The following MMP24 variants were observed in gnomAD, a reference collection of about 807,000 sequenced individuals.
MMP24 encodes the protein matrix metalloproteinase-24.
In MMP24, 25 loss-of-function variants were observed where a neutral mutation model predicts 62.8. The observed-to-expected ratio is 0.40, with a 90% CI of 0.29 to 0.56. The LOEUF (loss-of-function observed/expected upper bound fraction) is 0.56, where lower values mean the gene tolerates loss of function less well. Ranked by LOEUF, MMP24 falls within the 20% of genes least tolerant of loss-of-function variation. MMP24 has a pLI of 0.50. For missense variants in MMP24, 634 were observed against 853.6 expected (o/e 0.74, Z 3.21); for synonymous variants, 319 against 350.5 (o/e 0.91, Z 1.00).
chr20:35,248,087 G>T (rs765443834), intron 2 of MMP24, among the ~76,000 whole-genome samples: 1 of 152,120 alleles, frequency 6.6e-6, no homozygotes, highest in Non-Finnish European at 1.5e-5. Context: ...TAAGGAGGTG[G>T]GAAGGGAGGG....
intron 3 of MMP24, 50 bp downstream of exon 3, chr20:35,252,071 T>C (rs778374897): frequency 2.1e-6 from 3 of 1,433,586 alleles, no homozygotes; most frequent in African/African-American, 1.4e-5. Context: ...ACCCTCACTC[T>C]GTTTTTCCTG....
chr20:35,272,354 T>A (rs972538119), intron 8 of MMP24, among the ~76,000 whole-genome samples: 1 of 152,220 alleles, frequency 6.6e-6, no homozygotes, highest in East Asian at 1.9e-4. Context: ...TCCTGCCTCA[T>A]CAGCCTCCCG....
At chr20:35,272,085 A>C in intron 8 of MMP24, 2 of 571,392 alleles carry the variant, frequency 3.5e-6, no homozygotes, top group Admixed American at 6.9e-5. Flanking sequence ...TCATTCCTTC[A>C]GACAGCATTT....
chr20:35,248,351 G>C (rs966742060), intron 2 of MMP24, among the ~76,000 whole-genome samples: 1 of 148,808 alleles, frequency 6.7e-6, no homozygotes, highest in African/African-American at 2.5e-5. Context: ...TGTCACCCAG[G>C]CTGGAGGGCA....
intron 8 of MMP24, among the ~76,000 whole-genome samples, chr20:35,273,933 G>A (rs1436008322): frequency 6.6e-6 from 1 of 152,164 alleles, no homozygotes; most frequent in East Asian, 1.9e-4. Flanking sequence ...CACATGAGCG[G>A]GGCAAGGGGG....
chr20:35,268,270 G>A (rs1163092015), intron 6 of MMP24, among the ~76,000 whole-genome samples: 3 of 152,224 alleles, frequency 2.0e-5, no homozygotes, highest in Admixed American at 6.5e-5. Context: ...CATCCCCAAA[G>A]GGGCTGACAG....
chr20:35,253,235 C>T (rs1357758365), intron 3 of MMP24, among the ~76,000 whole-genome samples: 1 of 146,550 alleles, frequency 6.8e-6, no homozygotes, highest in East Asian at 2.0e-4. Context: ...GAACTAAGGG[C>T]TCCCCTGCTG....
At position 35,271,749 on chromosome 20, in the gene MMP24, C is replaced by T; in HGVS notation, c.1514C>T (p.Ala505Val). The T allele has an allele frequency of 6.3e-7, 1 of 1,597,780 alleles. No homozygotes were observed. Among genetic ancestry groups the T allele is most frequent in the Non-Finnish European group, 8.5e-7 (1 of 1,172,612 alleles). ...TGGCGCTACAGCGAGGAGCGGCGGGCCACGGACCCTGGCTACCCTAAGCCC... is the reference window on the plus strand; with the variant it reads ...TGGCGCTACAGCGAGGAGCGGCGGGTCACGGACCCTGGCTACCCTAAGCCC... The part of the protein sequence containing the change: ...RYWRYSEERR[A>V]TDPGYPKPIT... The change falls in exon 8 of 9, where the codon GCC (alanine) becomes GTC (valine). Residue 505 changes from alanine (A) to valine (V), a missense_variant. Transcript: ENST00000246186. The surrounding 1 kb of genome is among the most constrained non-coding windows in gnomAD (Gnocchi z 4.0).
chr20:35,274,655 C>G lies in MMP24; in HGVS notation c.*46C>G. On this transcript the variant is annotated 3_prime_UTR_variant, in exon 9 of 9. Coordinates refer to ENST00000246186, the MANE Select transcript of MMP24 (RefSeq NM_006690.4). This position sits in a 1 kb window ranked among gnomAD's most constrained non-coding sequence, Gnocchi z 5.1. ...TCCACTTGGTCTGGCCAGCCAGGCC[C>G]TTCCTCACCAGGGTCTGAGGGGCAG... is the stretch of plus-strand genomic sequence containing the variant. 2 of 1,477,010 alleles carry G rather than the reference C, an allele frequency of 1.4e-6. No homozygotes were observed. The highest frequency in any genetic ancestry group is 1.8e-6 in the Non-Finnish European group (2 of 1,091,970). 91.5% of individuals were successfully genotyped at this position (1,477,010 alleles called of 1,614,324 possible).
At chr20:35,261,428 G>GT (rs1456448213) in intron 4 of MMP24, among the ~76,000 whole-genome samples, 1 of 152,200 alleles carries the variant, frequency 6.6e-6, no homozygotes, top group Non-Finnish European at 1.5e-5. Context: ...GATGCCCCCA[G>GT]TTTACAAGTG....
intron 4 of MMP24, 137 bp from the exon 5 acceptor site, chr20:35,263,654 T>G: frequency 6.2e-6 from 4 of 644,972 alleles, no homozygotes; most frequent in Middle Eastern, 4.5e-4. Context: ...TTGTGCCTGA[T>G]TTCTCTGTAT....
At chr20:35,227,184 C>G (rs1204826035) in intron 1 of MMP24, among the ~76,000 whole-genome samples, 200 bp downstream of exon 1, 1 of 151,118 alleles carries the variant, frequency 6.6e-6, no homozygotes, top group Non-Finnish European at 1.5e-5. Flanking sequence ...CCGCCGAGGC[C>G]GGGAGCTGCT....
At chr20:35,258,202 T>C (rs1238762823) in intron 4 of MMP24, among the ~76,000 whole-genome samples, 1 of 152,210 alleles carries the variant, frequency 6.6e-6, no homozygotes, top group East Asian at 1.9e-4. Context: ...ATCTCAGGCA[T>C]TCTAACATTT....
intron 1 of MMP24, among the ~76,000 whole-genome samples, chr20:35,229,743 C>T (rs2060429848): frequency 6.6e-6 from 1 of 152,112 alleles, no homozygotes; most frequent in Non-Finnish European, 1.5e-5. Flanking sequence ...CATCCTTACT[C>T]GACAAGCTCA....
intron 4 of MMP24, among the ~76,000 whole-genome samples, chr20:35,260,118 A>G (rs1180747056): frequency 1.3e-5 from 2 of 152,140 alleles, no homozygotes; most frequent in Non-Finnish European, 2.9e-5. Context: ...CCTCCTGCCC[A>G]TGGAGCATGG....
intron 4 of MMP24, among the ~76,000 whole-genome samples, chr20:35,260,182 CAGGGAGTCCT>C (rs1434174406): frequency 6.6e-6 from 1 of 152,176 alleles, no homozygotes; most frequent in Non-Finnish European, 1.5e-5. Flanking sequence ...CTCACAAGCT[CAGGGAGTCCT>C]CCTGCCCCTG....
rs1180290790 is a variant in MMP24 at position 35,226,890 on chromosome 20, GGGCGGC to G, written c.167_172del (p.Ala56_Ala57del). ...CTCTGCTGCCTCCCGGGCGCCGCGC[GGGCGGC>G]GGCGGCGGCGGCGGGGGCAGGGAAC... On this transcript the variant is annotated inframe_deletion, in exon 1 of 9. Coordinates refer to ENST00000246186, the MANE Select transcript of MMP24 (RefSeq NM_006690.4). 3 of 977,118 alleles carry G rather than the reference GGGCGGC, an allele frequency of 3.1e-6. No homozygotes were observed. The highest frequency in any genetic ancestry group is 1.8e-5 in the African/African-American group (1 of 55,916). The allele number at this position is 977,118 out of a possible 1,614,324, so 60.5% of individuals were successfully genotyped here.
At chr20:35,270,846 C>G (rs2146242385) in intron 7 of MMP24, among the ~76,000 whole-genome samples, 1 of 152,308 alleles carries the variant, frequency 6.6e-6, no homozygotes, top group South Asian at 2.1e-4. Context: ...TTGAGACCAG[C>G]CTGACCAACA....
intron 5 of MMP24, among the ~76,000 whole-genome samples, chr20:35,266,804 G>C (rs1036106054): frequency 3.3e-5 from 5 of 152,104 alleles, no homozygotes; most frequent in Non-Finnish European, 7.4e-5. Flanking sequence ...GTAACCATTG[G>C]ATGATCTTGG....
Sources: gnomAD v4.1 joint callset for allele counts (sites outside exome capture counted in the v4.1 genomes callset) on GRCh38, gnomAD v4.1.1 for gene constraint, Gnocchi (gnomAD v3.1) non-coding constraint, MANE v1.5 for transcripts, NCBI Gene and HGNC (gene_info 2026-07-23, HGNC 2026-07-21) for gene names.